The following CELF2 variants were observed in gnomAD, a reference collection of about 807,000 sequenced individuals.
The protein encoded by CELF2 is CUG triplet repeat RNA-binding protein 2.
CELF2 carries 8 observed loss-of-function variants against 62.6 expected under a neutral mutation model. The ratio of observed to expected loss-of-function variants is 0.13; its 90% confidence interval spans 0.07 to 0.23. CELF2 has a LOEUF of 0.23. Among genes scored for constraint, CELF2 ranks in the 10% least tolerant of loss-of-function variants. The pLI is 1.00. For missense variants in CELF2, 333 were observed against 671.0 expected (o/e 0.50, Z 5.56); for synonymous variants, 258 against 250.0 (o/e 1.03, Z -0.30).
At chr10:10,610,433 A>T in the CELF2 span, among the ~76,000 whole-genome samples, 1 of 152,180 alleles carries the variant, frequency 6.6e-6, no homozygotes, top group Non-Finnish European at 1.5e-5. Context: ...TTATTCCATG[A>T]GTTGCTTTAG....
intron 2 of CELF2, among the ~76,000 whole-genome samples, chr10:11,189,798 C>T (rs1464929193): frequency 6.6e-6 from 1 of 152,210 alleles, no homozygotes; most frequent in African/African-American, 2.4e-5. Flanking sequence ...AGAGGAATTC[C>T]AGCACCAGCG....
intron 10 of CELF2, 195 bp from the exon 11 acceptor site, chr10:11,320,994 A>G (rs2095411420): frequency 1.4e-6 from 2 of 1,422,028 alleles, no homozygotes; most frequent in Non-Finnish European, 9.6e-7. Context: ...GAGGGTTCTC[A>G]TGGCTTAGGT....
the CELF2 span, among the ~76,000 whole-genome samples, chr10:10,591,102 A>G: frequency 6.6e-6 from 1 of 152,210 alleles, no homozygotes; most frequent in African/African-American, 2.4e-5. Context: ...CTGATAGAAT[A>G]TATCTAAAAA....
intron 1 of CELF2, among the ~76,000 whole-genome samples, chr10:10,848,297 A>G (rs2059144182): frequency 2.0e-5 from 3 of 152,220 alleles, no homozygotes; most frequent in African/African-American, 7.2e-5. Context: ...TATTTTACCC[A>G]TCTAAAGTTT....
At chr10:10,926,224 G>A (rs572390739) in intron 2 of CELF2, among the ~76,000 whole-genome samples, 15 of 152,168 alleles carry the variant, frequency 9.9e-5, no homozygotes, top group Non-Finnish European at 1.8e-4. Flanking sequence ...TGACTCTGGG[G>A]AGGTGAGAAT....
intron 1 of CELF2, among the ~76,000 whole-genome samples, chr10:11,142,873 T>G (rs983415845): frequency 2.6e-5 from 4 of 152,066 alleles, no homozygotes; most frequent in African/African-American, 4.8e-5. Flanking sequence ...CTCCCTCCAC[T>G]GGGGGGACTC....
intron 4 of CELF2, 180 bp from the exon 5 acceptor site, chr10:11,257,558 G>A (rs1486364609): frequency 5.1e-6 from 3 of 587,788 alleles, no homozygotes; most frequent in East Asian, 2.9e-5. Flanking sequence ...CACCAGGTGG[G>A]AGGGAGTGGC....
chr10:10,643,979 TATCAC>T, the CELF2 span, among the ~76,000 whole-genome samples: 2 of 152,208 alleles, frequency 1.3e-5, no homozygotes, highest in African/African-American at 4.8e-5. Flanking sequence ...TCTTGGATGT[TATCAC>T]AGCCCTAAGG....
At position 11,332,917 on chromosome 10, in the gene CELF2, C is replaced by CCTGT. The variant is rs2096056148; in HGVS notation, c.*3867_*3870dup. On this transcript the variant is annotated 3_prime_UTR_variant, in exon 13 of 13. Transcript: ENST00000633077. Reference sequence around the variant, plus strand: ...CAGCTTAATAACAACACTTATTGCACCTGTCTCTCTCTGAGAACACGGTGT... The same window carrying CCTGT: ...CAGCTTAATAACAACACTTATTGCACCTGTCTGTCTCTCTCTGAGAACACGGTGT... 6.6e-6 allele frequency: 1 copy of CCTGT among 152,646 alleles called. No homozygotes were observed. The highest frequency in any genetic ancestry group is 1.5e-5 in the Non-Finnish European group (1 of 68,048). The allele number at this position is 152,646 out of a possible 1,614,324, so 9.5% of individuals were successfully genotyped here.
rs1198320872 is a variant in CELF2, at chr10:11,177,180, C to G, written c.271+11498C>G. On this transcript the variant is annotated intron_variant, in intron 2 of 12. Transcript: ENST00000633077. The surrounding 1 kb of genome is among the most constrained non-coding windows in gnomAD (Gnocchi z 4.8). ...TAAATCCCCCTCTCTAAAAAACACCCCTTTCTAAAAAATTCACATTACTAA... is the reference window on the plus strand; with the variant it reads ...TAAATCCCCCTCTCTAAAAAACACCGCTTTCTAAAAAATTCACATTACTAA... 1.3e-5 allele frequency among the ~76,000 whole-genome samples: 2 copies of G among 152,024 alleles called. No individual in the cohort carries two copies. Among genetic ancestry groups the G allele is most frequent in the Non-Finnish European group, 2.9e-5 (2 of 68,004 alleles).
chr10:11,033,407 G>A (rs11256952), intron 1 of CELF2, among the ~76,000 whole-genome samples: 26,301 of 151,984 alleles, frequency 0.17, 3,857 homozygotes, highest in African/African-American at 0.4. Flanking sequence ...ACAGGCATGC[G>A]CCACCACACC....
chr10:10,797,976 A>T (rs1590441760), upstream of CELF2, among the ~76,000 whole-genome samples: 1 of 151,790 alleles, frequency 6.6e-6, no homozygotes, highest in Non-Finnish European at 1.5e-5. Context: ...AAATGACAAG[A>T]TACACAAGGT....
intron 2 of CELF2, among the ~76,000 whole-genome samples, chr10:11,170,219 A>G (rs2068423177): frequency 6.6e-6 from 1 of 152,200 alleles, no homozygotes; most frequent in Admixed American, 6.5e-5. Context: ...TCTGTGAAAG[A>G]GTGGAAAGAT....
the CELF2 span, among the ~76,000 whole-genome samples, chr10:10,739,773 A>G: frequency 2.6e-5 from 4 of 152,126 alleles, no homozygotes; most frequent in Non-Finnish European, 5.9e-5. Context: ...GACAGTTTCA[A>G]TCACAGCCAC....
the CELF2 span, among the ~76,000 whole-genome samples, chr10:10,695,398 C>A: frequency 9.4e-4 from 138 of 147,108 alleles, no homozygotes; most frequent in African/African-American, 3.3e-3. Flanking sequence ...ATGGGCTTCC[C>A]TTTGAGGGTA....
intron 2 of CELF2, among the ~76,000 whole-genome samples, chr10:10,949,094 G>A (rs750324676): frequency 6.6e-6 from 1 of 152,184 alleles, no homozygotes; most frequent in Non-Finnish European, 1.5e-5. Flanking sequence ...CTCTGAGAGA[G>A]AGAAGGGAAA....
At chr10:10,749,064 C>T in the CELF2 span, among the ~76,000 whole-genome samples, 3 of 152,112 alleles carry the variant, frequency 2.0e-5, no homozygotes, top group African/African-American at 4.8e-5. Context: ...ACGGGAGATT[C>T]GTAGCAGGAA....
At chr10:10,979,178 C>T (rs2051738721) in intron 2 of CELF2, among the ~76,000 whole-genome samples, 1 of 152,142 alleles carries the variant, frequency 6.6e-6, no homozygotes, top group South Asian at 2.1e-4. Context: ...TGGGGCCCCT[C>T]CCACACACCC....
At chr10:11,013,121 A>C (rs577180170), upstream of CELF2, among the ~76,000 whole-genome samples, 3 of 152,310 alleles carry the variant, frequency 2.0e-5, no homozygotes, top group South Asian at 6.2e-4. The surrounding 1 kb of genome is among the most constrained non-coding windows in gnomAD (Gnocchi z 4.1). Flanking sequence ...AGGCAAGTCA[A>C]ACATGATTTC....
Sources: allele counts gnomAD v4.1 joint callset (sites outside exome capture counted in the v4.1 genomes callset), GRCh38; gene constraint gnomAD v4.1.1; non-coding constraint Gnocchi (gnomAD v3.1); transcripts MANE v1.5; gene names NCBI Gene and HGNC (gene_info 2026-07-23, HGNC 2026-07-21).